DAB1: variants seen among roughly 807,000 people sequenced by gnomAD.
DAB1 encodes disabled homolog 1.
A neutral mutation model predicts 64.6 loss-of-function variants in DAB1; 15 were observed. The ratio of observed to expected loss-of-function variants is 0.23; its 90% confidence interval spans 0.16 to 0.36. DAB1 has a LOEUF of 0.36. Ranked by LOEUF, DAB1 falls within the 10% of genes least tolerant of loss-of-function variation. The pLI is 1.00. For synonymous variants in DAB1, 235 were observed against 251.9 expected, an observed-to-expected ratio of 0.93 and a Z score of 0.64; for missense variants, 596 against 706.7, an observed-to-expected ratio of 0.84 and a Z score of 1.78.
intron 5 of DAB1, among the ~76,000 whole-genome samples, chr1:58,076,776 G>A (rs1183602628): frequency 6.6e-6 from 1 of 152,190 alleles, no homozygotes; most frequent in Non-Finnish European, 1.5e-5. Flanking sequence ...AAAAGGCAGT[G>A]ACACCAAGGG....
intron 3 of DAB1, among the ~76,000 whole-genome samples, chr1:58,456,457 T>C (rs1004944865): frequency 2.0e-5 from 3 of 152,044 alleles, no homozygotes; most frequent in African/African-American, 7.3e-5. Flanking sequence ...TTAACTATGG[T>C]CCGAAGCAGA....
chr1:57,999,151 T>C (rs1214878550), intron 5 of DAB1, among the ~76,000 whole-genome samples: 1 of 152,242 alleles, frequency 6.6e-6, no homozygotes, highest in East Asian at 1.9e-4. Context: ...CTACCACTTA[T>C]TAATCTGCTA....
At chr1:57,004,653 A>T (rs1645998043) in intron 14 of DAB1, among the ~76,000 whole-genome samples, 1 of 152,226 alleles carries the variant, frequency 6.6e-6, no homozygotes, top group South Asian at 2.1e-4. Context: ...AAAACTTAGG[A>T]CTAGCTCAGT....
intron 5 of DAB1, among the ~76,000 whole-genome samples, chr1:58,070,343 C>T (rs1277669814): frequency 6.6e-6 from 1 of 152,192 alleles, no homozygotes; most frequent in Non-Finnish European, 1.5e-5. Flanking sequence ...AGACATCATG[C>T]TGGCAAAGAT....
chr1:58,298,811 G>T (rs971226545), intron 4 of DAB1, among the ~76,000 whole-genome samples: 4 of 152,216 alleles, frequency 2.6e-5, no homozygotes, highest in Non-Finnish European at 5.9e-5. Context: ...CCAGTCTAGA[G>T]TAGGCACCCC....
chr1:57,422,566 C>T (rs1450430846), intron 1 of DAB1, among the ~76,000 whole-genome samples: 1 of 152,170 alleles, frequency 6.6e-6, no homozygotes, highest in African/African-American at 2.4e-5. Context: ...CAGATGCCCG[C>T]GTCGCGGCGC....
At chr1:57,622,776 GA>G (rs1645876130) in intron 7 of DAB1, among the ~76,000 whole-genome samples, 2 of 152,306 alleles carry the variant, frequency 1.3e-5, no homozygotes, top group Non-Finnish European at 2.9e-5. Context: ...TTTTCTCTAT[GA>G]AGTGTATGAG....
At chr1:57,962,306 G>T (rs1645543208) in intron 5 of DAB1, among the ~76,000 whole-genome samples, 1 of 151,982 alleles carries the variant, frequency 6.6e-6, no homozygotes, top group African/African-American at 2.4e-5. Flanking sequence ...ATAAACATTA[G>T]TCATCATTAT....
chr1:58,529,919 C>T (rs779178325), intron 1 of DAB1, among the ~76,000 whole-genome samples: 1 of 151,878 alleles, frequency 6.6e-6, no homozygotes, highest in Non-Finnish European at 1.5e-5. Flanking sequence ...CTCACTCTGT[C>T]GCCCAGGCTG....
At chr1:58,464,727 C>T (rs775599858) in intron 3 of DAB1, among the ~76,000 whole-genome samples, 2 of 152,142 alleles carry the variant, frequency 1.3e-5, no homozygotes, top group Non-Finnish European at 2.9e-5. Context: ...AAAGCAAATA[C>T]GATGGATGTG....
rs115323352 is a variant in DAB1 at position 57,903,383 on chromosome 1, T to C, written n.388-19221A>G. Among the ~76,000 whole-genome samples the C allele has an allele frequency of 4.1e-3, 619 of 152,344 alleles. 4 individuals are homozygous for C. The highest frequency in any genetic ancestry group is 6.1e-3 in the Non-Finnish European group (418 of 68,024). On this transcript the variant is annotated intron_variant and non_coding_transcript_variant, in intron 5 of 20. Transcript: ENST00000485760. Reference sequence around the variant, plus strand: ...CCCTTTTCAATTTTTAGTATCACTCTAGACATGTAGGTTCCTTTTTGTGTT... The same window carrying C: ...CCCTTTTCAATTTTTAGTATCACTCCAGACATGTAGGTTCCTTTTTGTGTT...
intron 6 of DAB1, among the ~76,000 whole-genome samples, chr1:57,676,570 T>G (rs1646568323): frequency 6.6e-6 from 1 of 152,160 alleles, no homozygotes; most frequent in Non-Finnish European, 1.5e-5. Flanking sequence ...ACCATCTAGC[T>G]GGGAAAAGAA....
intron 3 of DAB1, among the ~76,000 whole-genome samples, chr1:58,396,064 T>A (rs1215150315): frequency 6.8e-6 from 1 of 147,742 alleles, no homozygotes; most frequent in Non-Finnish European, 1.5e-5. Flanking sequence ...TCCTGTCTGT[T>A]ACAGTGTCTC....
chr1:57,117,454 C>T (rs1656240566), intron 4 of DAB1, among the ~76,000 whole-genome samples: 1 of 152,232 alleles, frequency 6.6e-6, no homozygotes, highest in Non-Finnish European at 1.5e-5. Context: ...TCCCCAAGAT[C>T]ACAGAACTGG....
At chr1:58,436,391 G>A (rs1644944500) in intron 3 of DAB1, among the ~76,000 whole-genome samples, 1 of 152,234 alleles carries the variant, frequency 6.6e-6, no homozygotes, top group Admixed American at 6.5e-5. Flanking sequence ...AGGTATGTGG[G>A]AATGGGGAGC....
intron 2 of DAB1, among the ~76,000 whole-genome samples, chr1:57,287,778 T>TTATTTA (rs1553164514): frequency 6.9e-6 from 1 of 144,102 alleles, no homozygotes; most frequent in Admixed American, 7.0e-5. Flanking sequence ...TTTCTCTCTC[T>TTATTTA]TTTATTTATT....
chr1:57,608,941 C>A (rs186502556), intron 7 of DAB1, among the ~76,000 whole-genome samples: 1 of 152,074 alleles, frequency 6.6e-6, no homozygotes, highest in African/African-American at 2.4e-5. Context: ...TGAAGACATG[C>A]GGTATTGAGC....
At chr1:57,698,558 G>T (rs780293160) in intron 6 of DAB1, among the ~76,000 whole-genome samples, 14 of 152,152 alleles carry the variant, frequency 9.2e-5, no homozygotes, top group South Asian at 2.1e-4. Flanking sequence ...TCGTCTGGAG[G>T]TTCCTAATGT....
intron 1 of DAB1, among the ~76,000 whole-genome samples, chr1:57,832,587 C>T (rs1426472715): frequency 2.0e-5 from 3 of 152,212 alleles, no homozygotes; most frequent in African/African-American, 7.2e-5. Context: ...CCTGGGTCAT[C>T]TCAACCAGCC....
Sources: allele counts gnomAD v4.1 joint callset (sites outside exome capture counted in the v4.1 genomes callset), GRCh38; gene constraint gnomAD v4.1.1; transcripts MANE v1.5; gene names NCBI Gene and HGNC (gene_info 2026-07-23, HGNC 2026-07-21).